DHRS12: variants seen among roughly 807,000 people sequenced by gnomAD.
DHRS12 encodes the protein dehydrogenase/reductase SDR family member 12.
A neutral mutation model predicts 32.1 loss-of-function variants in DHRS12; 29 were observed. That is an observed-to-expected ratio of 0.90 (90% CI 0.67 to 1.23). The LOEUF is 1.23. Among genes scored for constraint, DHRS12 ranks in the 50% most tolerant of loss-of-function variants. DHRS12 has a pLI of 0.00. For synonymous variants in DHRS12, 150 were observed against 135.9 expected, an observed-to-expected ratio of 1.10 and a Z score of -0.72; for missense variants, 330 against 337.2, an observed-to-expected ratio of 0.98 and a Z score of 0.17.
chr13:51,769,244 C>A lies in DHRS12; in HGVS notation c.609G>T (p.Leu203=). The A allele has an allele frequency of 6.3e-7, 1 of 1,590,996 alleles. No homozygotes were observed. The highest frequency in any genetic ancestry group is 8.6e-7 in the Non-Finnish European group (1 of 1,169,566). Residue 203 remains leucine (L), a synonymous_variant, in exon 8 of 9, where the codon CTG becomes CTT. Coordinates refer to ENST00000444610, the MANE Select transcript of DHRS12 (RefSeq NM_001377533.1). Reference sequence around the variant, plus strand: ...TGTCCGCGCCCTGGGCCTCGGAGCGCAGGCGGTCCCCGAACCTGGCGTGGA... The same window carrying A: ...TGTCCGCGCCCTGGGCCTCGGAGCGAAGGCGGTCCCCGAACCTGGCGTGGA... ...PGFHARFGDR[L]RSEAQGADTM...
chr13:51,776,017 T>TGTATTCTACA (rs1461086286), intron 5 of DHRS12: 1 of 79,398 alleles, frequency 1.3e-5, no homozygotes, highest in Admixed American at 1.5e-4. Context: ...TTCTCCTACA[T>TGTATTCTACA]GTATTCTCCT....
At position 51,804,043 on chromosome 13, in the gene DHRS12, C is replaced by T. The variant is rs746854635; in HGVS notation, c.-9+11G>A. On this transcript the variant is annotated intron_variant, in intron 1 of 8. Coordinates refer to ENST00000444610, the MANE Select transcript of DHRS12 (RefSeq NM_001377533.1). ...CAGCCCGGGGCCCCGCGCCCCGCCG[C>T]GCCGCCTTACTTGGTGTACTCGCGC... The T allele has an allele frequency of 1.4e-6, 2 of 1,470,812 alleles. No individual in the cohort carries two copies. The highest frequency in any genetic ancestry group is 1.5e-5 in the African/African-American group (1 of 68,292). The allele number at this position is 1,470,812 out of a possible 1,614,324, so 91.1% of individuals were successfully genotyped here.
the DHRS12 span, among the ~76,000 whole-genome samples, chr13:51,759,382 T>C: frequency 6.6e-6 from 1 of 152,230 alleles, no homozygotes; most frequent in Non-Finnish European, 1.5e-5. Flanking sequence ...CGCTTTCATG[T>C]TGGCTCATCG....
downstream of DHRS12, chr13:51,767,905 A>G (rs1953821408): frequency 9.9e-7 from 1 of 1,012,444 alleles, no homozygotes; most frequent in Non-Finnish European, 1.3e-6. Context: ...TAAGACTGAA[A>G]TGATGGTTCA....
intron 4 of DHRS12, among the ~76,000 whole-genome samples, chr13:51,788,099 C>A (rs1452799904): frequency 6.6e-6 from 1 of 151,222 alleles, no homozygotes; most frequent in African/African-American, 2.4e-5. Flanking sequence ...GACCCTGCAC[C>A]TGGTTTAATG....
chr13:51,798,663 T>A lies in DHRS12; in HGVS notation c.126+871A>T, dbSNP rs9596577. Among the ~76,000 whole-genome samples, 941 of 152,324 alleles carry A rather than the reference T, an allele frequency of 6.2e-3. 5 individuals are homozygous for A. Among genetic ancestry groups the A allele is most frequent in the African/African-American group, 0.022 (901 of 41,576 alleles). On this transcript the variant is annotated intron_variant, in intron 2 of 8. Coordinates refer to ENST00000444610, the MANE Select transcript of DHRS12 (RefSeq NM_001377533.1). Reference sequence around the variant, plus strand: ...TTAATCCTCTCCCTGACTTGGCAGATAATTAAATAAAGCTTCAAATGATAT... The same window carrying A: ...TTAATCCTCTCCCTGACTTGGCAGAAAATTAAATAAAGCTTCAAATGATAT...
chr13:51,767,075 A>AAAT (rs1953773222), downstream of DHRS12: 1 of 152,172 alleles, frequency 6.6e-6, no homozygotes, highest in Non-Finnish European at 1.5e-5. Context: ...CAGTGAGGAG[A>AAAT]AATGACTTCG....
At chr13:51,768,381 C>T in intron 8 of DHRS12, 85 bp from the exon 9 acceptor site, 3 of 1,518,902 alleles carry the variant, frequency 2.0e-6, no homozygotes, top group Admixed American at 2.0e-5. Context: ...GGCCTTGAAC[C>T]GACGCCTGCT....
At chr13:51,769,037 A>G in intron 8 of DHRS12, 119 bp downstream of exon 8, 1 of 1,466,786 alleles carries the variant, frequency 6.8e-7, no homozygotes, top group East Asian at 2.7e-5. Flanking sequence ...AAAGAAGCCC[A>G]GGCACCCCCC....
chr13:51,784,474 A>G (rs1023989134), intron 4 of DHRS12, among the ~76,000 whole-genome samples: 1 of 152,196 alleles, frequency 6.6e-6, no homozygotes, highest in African/African-American at 2.4e-5. Context: ...ATAGGAAAAT[A>G]ATGGGAAATA....
intron 7 of DHRS12, chr13:51,771,260 G>A (rs144695820): frequency 1.2e-5 from 19 of 1,552,384 alleles, no homozygotes; most frequent in African/African-American, 2.7e-5. Context: ...GTTTGTAGAG[G>A]AGGAAAGAGC....
rs762296658 is a variant in DHRS12 at position 51,777,168 on chromosome 13, ACTCAAGGGGTCCTGCAGGACTG to A, written c.302-69_302-48del. The A allele has an allele frequency of 3.7e-6, 6 of 1,606,800 alleles. No homozygotes were observed. The Admixed American group carries it at 1.0e-4, about 27-fold the overall frequency. On this transcript the variant is annotated intron_variant, in intron 4 of 8. Transcript: ENST00000444610. ...CATGAGGGGGCTGCAGGAAGCCCCA[ACTCAAGGGGTCCTGCAGGACTG>A]ATGTGGGGACTGTCTGCCCGCACCC...
chr13:51,795,870 T>G lies in DHRS12; in HGVS notation c.126+3664A>C, dbSNP rs78730598. On this transcript the variant is annotated intron_variant, in intron 2 of 8. Transcript: ENST00000444610. Reference sequence around the variant, plus strand: ...ACACATACCTTGGGGTTCATACTATTTGTCCCCCAACCCACCCCCACTATG... The same window carrying G: ...ACACATACCTTGGGGTTCATACTATGTGTCCCCCAACCCACCCCCACTATG... Among the ~76,000 whole-genome samples the G allele has an allele frequency of 2.0e-3, 312 of 152,212 alleles. 1 individual carries two copies. The highest frequency in any genetic ancestry group is 6.7e-3 in the African/African-American group (277 of 41,520).
intron 6 of DHRS12, chr13:51,773,122 G>T: frequency 1.1e-6 from 1 of 937,848 alleles, no homozygotes; most frequent in Non-Finnish European, 1.3e-6. Flanking sequence ...CAGAGATACA[G>T]CAGTACAGGT....
downstream of DHRS12, chr13:51,764,738 G>A (rs1031537990): frequency 6.6e-6 from 1 of 152,226 alleles, no homozygotes; most frequent in Non-Finnish European, 1.5e-5. Context: ...AGGTGACTCA[G>A]GGTAACTAAT....
At chr13:51,760,919 C>G in the DHRS12 span, 1 of 152,230 alleles carries the variant, frequency 6.6e-6, no homozygotes, top group African/African-American at 2.4e-5. Flanking sequence ...GGACCAGTAC[C>G]CATCTGCAGC....
chr13:51,763,436 G>C (rs1953651567), downstream of DHRS12: 1 of 152,186 alleles, frequency 6.6e-6, no homozygotes, highest in African/African-American at 2.4e-5. Flanking sequence ...TGCCCCGTTT[G>C]GCTGCGATTC....
At chr13:51,800,443 T>C (rs1955699252) in intron 1 of DHRS12, among the ~76,000 whole-genome samples, 2 of 152,226 alleles carry the variant, frequency 1.3e-5, no homozygotes, top group Non-Finnish European at 2.9e-5. Flanking sequence ...CTAAGGGCAG[T>C]GGTGGCAGAA....
chr13:51,799,310 G>A (rs1955647450), intron 2 of DHRS12, among the ~76,000 whole-genome samples: 1 of 152,160 alleles, frequency 6.6e-6, no homozygotes, highest in South Asian at 2.1e-4. Context: ...ACGTGGGCAG[G>A]ACCCCAAGCT....
Sources: allele counts gnomAD v4.1 joint callset (sites outside exome capture counted in the v4.1 genomes callset), GRCh38; gene constraint gnomAD v4.1.1; transcripts MANE v1.5; gene names NCBI Gene and HGNC (gene_info 2026-07-23, HGNC 2026-07-21).